Variants in QTMAN observed in about 807,000 individuals in gnomAD.
QTMAN encodes the protein tRNA-queuosine alpha-mannosyltransferase.
the QTMAN span, among the ~76,000 whole-genome samples, chr2:144,264,059 T>C: frequency 6.6e-6 from 1 of 152,060 alleles, no homozygotes; most frequent in Admixed American, 6.5e-5. Context: ...GCTGTAGAAA[T>C]AGCCTGAACT....
the QTMAN span, among the ~76,000 whole-genome samples, chr2:144,175,576 G>A: frequency 6.6e-6 from 1 of 151,982 alleles, no homozygotes; most frequent in Non-Finnish European, 1.5e-5. Flanking sequence ...AATGTTTAAA[G>A]GGCAGATAAG....
the QTMAN span, among the ~76,000 whole-genome samples, chr2:144,197,315 GTGTGTA>G: frequency 6.0e-5 from 9 of 151,172 alleles, no homozygotes; most frequent in African/African-American, 2.2e-4. Context: ...GTGTGTGTGT[GTGTGTA>G]TATATATATA....
chr2:143,994,144 T>C, the QTMAN span, among the ~76,000 whole-genome samples: 3 of 152,186 alleles, frequency 2.0e-5, no homozygotes, highest in Non-Finnish European at 4.4e-5. Flanking sequence ...ATCAGGTTTA[T>C]GGATAACAAG....
the QTMAN span, among the ~76,000 whole-genome samples, chr2:144,001,455 T>C: frequency 6.6e-6 from 1 of 151,946 alleles, no homozygotes. Flanking sequence ...GATTTATCAT[T>C]ATTTTATGGA....
At chr2:144,163,566 A>T in the QTMAN span, among the ~76,000 whole-genome samples, 401 of 152,326 alleles carry the variant, frequency 2.6e-3, 4 homozygotes, top group Non-Finnish European at 4.7e-3. Context: ...TAAATACATA[A>T]GGAATATATG....
At chr2:144,286,509 TC>T in the QTMAN span, among the ~76,000 whole-genome samples, 1 of 152,216 alleles carries the variant, frequency 6.6e-6, no homozygotes, top group Admixed American at 6.5e-5. Flanking sequence ...GCTACTTCAT[TC>T]CCCTTTTAGA....
chr2:144,133,134 TATATATATATATATATA>T, the QTMAN span, among the ~76,000 whole-genome samples: 748 of 47,982 alleles, frequency 0.016, 36 homozygotes, highest in African/African-American at 0.05. Flanking sequence ...TATATATATA[TATATATATATATATATA>T]ATATAATATA....
the QTMAN span, among the ~76,000 whole-genome samples, chr2:144,033,236 A>T: frequency 6.6e-6 from 1 of 152,246 alleles, no homozygotes; most frequent in Non-Finnish European, 1.5e-5. Context: ...GTTAAGTACT[A>T]CAAGAGTGTC....
chr2:144,157,755 C>T, the QTMAN span, among the ~76,000 whole-genome samples: 1 of 151,630 alleles, frequency 6.6e-6, no homozygotes, highest in East Asian at 1.9e-4. Context: ...AAATATTTAA[C>T]ATATAAACAT....
At chr2:144,326,307 G>A in the QTMAN span, among the ~76,000 whole-genome samples, 1 of 152,110 alleles carries the variant, frequency 6.6e-6, no homozygotes, top group Non-Finnish European at 1.5e-5. Context: ...CACAGACTCA[G>A]CCAGGAACGG....
chr2:144,273,484 T>C, the QTMAN span, among the ~76,000 whole-genome samples: 8 of 152,082 alleles, frequency 5.3e-5, no homozygotes, highest in Non-Finnish European at 1.2e-4. Flanking sequence ...TAACCTTTCA[T>C]AGGACGGTCT....
At chr2:144,196,428 T>C in the QTMAN span, among the ~76,000 whole-genome samples, 1 of 152,142 alleles carries the variant, frequency 6.6e-6, no homozygotes, top group East Asian at 1.9e-4. Flanking sequence ...AATATCTGTA[T>C]CAATACTGGA....
At chr2:144,129,562 G>A in the QTMAN span, among the ~76,000 whole-genome samples, 3 of 151,984 alleles carry the variant, frequency 2.0e-5, no homozygotes, top group African/African-American at 7.2e-5. Context: ...TGGAACAACA[G>A]GCAAGAAAAT....
the QTMAN span, among the ~76,000 whole-genome samples, chr2:144,119,067 C>G: frequency 6.6e-6 from 1 of 151,984 alleles, no homozygotes; most frequent in Non-Finnish European, 1.5e-5. Flanking sequence ...TGTTTAAATA[C>G]AGGGCTGGTA....
chr2:144,172,880 C>T, the QTMAN span, among the ~76,000 whole-genome samples: 1 of 151,946 alleles, frequency 6.6e-6, no homozygotes, highest in Non-Finnish European at 1.5e-5. Context: ...AAGGTAGTGG[C>T]GTTGCGGGGT....
the QTMAN span, chr2:144,006,857 G>C: frequency 4.7e-6 from 1 of 213,450 alleles, no homozygotes; most frequent in South Asian, 1.3e-4. Flanking sequence ...TGATAACTGT[G>C]TGTGTGTGTG....
At chr2:143,983,772 C>T in the QTMAN span, among the ~76,000 whole-genome samples, 7 of 152,206 alleles carry the variant, frequency 4.6e-5, no homozygotes, top group East Asian at 5.8e-4. Context: ...CACGCCCAGC[C>T]GAGGTTTTAA....
chr2:144,188,560 A>AGGAT, the QTMAN span, among the ~76,000 whole-genome samples: 2 of 151,402 alleles, frequency 1.3e-5, no homozygotes, highest in African/African-American at 2.4e-5. Context: ...GACTGATGGA[A>AGGAT]GGATGGATGG....
the QTMAN span, among the ~76,000 whole-genome samples, chr2:144,307,756 T>G: frequency 6.6e-6 from 1 of 152,154 alleles, no homozygotes; most frequent in Non-Finnish European, 1.5e-5. Context: ...CACGTCCTAT[T>G]CACCTAGGAC....
Sources: gnomAD v4.1 joint callset for allele counts (sites outside exome capture counted in the v4.1 genomes callset) on GRCh38, gnomAD v4.1.1 for gene constraint, MANE v1.5 for transcripts, NCBI Gene and HGNC (gene_info 2026-07-23, HGNC 2026-07-21) for gene names.